PRKN: variants seen among roughly 807,000 people sequenced by gnomAD.
PRKN encodes E3 ubiquitin-protein ligase parkin.
Under a neutral mutation model 59.5 loss-of-function variants are expected in PRKN, and 56 were observed. The observed-to-expected ratio is 0.94, with a 90% confidence interval of 0.76 to 1.18. PRKN has a LOEUF of 1.18. PRKN is among the 50% of genes most tolerant of loss of function. The pLI, the probability that PRKN is intolerant of heterozygous loss-of-function variation, is 0.00. For missense variants in PRKN, 657 were observed against 596.4 expected (o/e 1.10, Z -1.06); for synonymous variants, 250 against 222.1 (o/e 1.13, Z -1.12).
intron 7 of PRKN, among the ~76,000 whole-genome samples, chr6:161,750,118 T>TATATATATATATATATATATATATACAC (rs1269147499): frequency 4.7e-4 from 65 of 137,732 alleles, no homozygotes; most frequent in African/African-American, 1.7e-3. Context: ...TATATATATA[T>TATATATATATATATATATATATATACAC]ACACACACAC....
intron 5 of PRKN, among the ~76,000 whole-genome samples, chr6:162,048,238 C>T (rs527791807): frequency 6.6e-6 from 1 of 152,176 alleles, no homozygotes; most frequent in African/African-American, 2.4e-5. Context: ...ATCAACACCC[C>T]TCAATAAGAA....
intron 1 of PRKN, among the ~76,000 whole-genome samples, chr6:162,502,716 G>A (rs979834590): frequency 9.9e-5 from 15 of 151,904 alleles, no homozygotes; most frequent in African/African-American, 3.4e-4. Context: ...CAGGAAAAGC[G>A]TGATCCCAGC....
chr6:162,172,103 TAAG>T (rs898749806), intron 4 of PRKN, among the ~76,000 whole-genome samples: 11 of 152,196 alleles, frequency 7.2e-5, no homozygotes, highest in African/African-American at 2.7e-4. Flanking sequence ...GAAAACCACC[TAAG>T]GACACAGAGT....
Position 162,191,724 on chromosome 6 carries a change from T to A in PRKN, c.534+9407A>T, listed in dbSNP as rs185937076. Among the ~76,000 whole-genome samples, 408 of 152,302 alleles carry A rather than the reference T, an allele frequency of 2.7e-3. 1 individual carries two copies. The highest frequency in any genetic ancestry group is 4.4e-3 in the Non-Finnish European group (302 of 68,004). Reference sequence around the variant, plus strand: ...TCCCAAAGTGCTGGGATTACAGGTGTGAGCCACCGTGCCCGGCCAGAATTA... The same window carrying A: ...TCCCAAAGTGCTGGGATTACAGGTGAGAGCCACCGTGCCCGGCCAGAATTA... On this transcript the variant is annotated intron_variant, in intron 4 of 11. Transcript: ENST00000366898.
intron 4 of PRKN, among the ~76,000 whole-genome samples, chr6:162,070,887 C>T (rs1778547647): frequency 6.6e-6 from 1 of 152,052 alleles, no homozygotes; most frequent in South Asian, 2.1e-4. Flanking sequence ...CCCCTGCTGG[C>T]CCAGGGCTTG....
At chr6:162,473,337 C>G (rs1428434392) in intron 1 of PRKN, among the ~76,000 whole-genome samples, 1 of 152,172 alleles carries the variant, frequency 6.6e-6, no homozygotes, top group Non-Finnish European at 1.5e-5. Context: ...GGAAAAACTA[C>G]TGGCTTCAGA....
chr6:162,320,732 C>A (rs1404557714), intron 2 of PRKN, among the ~76,000 whole-genome samples: 18 of 151,248 alleles, frequency 1.2e-4, no homozygotes, highest in Admixed American at 1.2e-3. Flanking sequence ...TTAGGTATTA[C>A]CCAAAAGAAA....
intron 2 of PRKN, among the ~76,000 whole-genome samples, chr6:162,427,918 T>C (rs1167293081): frequency 1.3e-5 from 2 of 152,174 alleles, no homozygotes; most frequent in African/African-American, 2.4e-5. Flanking sequence ...TAGTTACCTC[T>C]GTAGAGAAGG....
At chr6:161,687,282 G>A (rs551211095) in intron 7 of PRKN, among the ~76,000 whole-genome samples, 156 of 148,952 alleles carry the variant, frequency 1.0e-3, no homozygotes, top group African/African-American at 3.6e-3. Context: ...CCAGCTACTC[G>A]GGAGGCTGAG....
At chr6:161,873,960 TG>T (rs1794459465) in intron 6 of PRKN, among the ~76,000 whole-genome samples, 1 of 99,602 alleles carries the variant, frequency 1.0e-5, no homozygotes. Context: ...ATATATTATA[TG>T]TAAAATATAA....
chr6:161,696,650 T>G (rs961154926), intron 7 of PRKN, among the ~76,000 whole-genome samples: 36 of 152,186 alleles, frequency 2.4e-4, no homozygotes, highest in African/African-American at 8.4e-4. Context: ...TAGATGTAGA[T>G]CTAGACATAT....
At chr6:161,810,507 C>T (rs1236051063) in intron 6 of PRKN, among the ~76,000 whole-genome samples, 12 of 152,144 alleles carry the variant, frequency 7.9e-5, no homozygotes, top group Non-Finnish European at 1.8e-4. Context: ...AGGTCCTAGA[C>T]AACGTCTAAC....
chr6:161,942,047 A>T (rs1779586398), intron 6 of PRKN, among the ~76,000 whole-genome samples: 1 of 152,222 alleles, frequency 6.6e-6, no homozygotes, highest in Admixed American at 6.5e-5. Context: ...AGAAGAAAAC[A>T]AAGATTTACA....
At chr6:162,138,148 G>A (rs7773019) in intron 4 of PRKN, among the ~76,000 whole-genome samples, 21,958 of 152,052 alleles carry the variant, frequency 0.14, 1,866 homozygotes, top group African/African-American at 0.23. Context: ...GGAAATTTGC[G>A]GATAGACTAC....
At chr6:161,956,328 G>A (rs1780168397) in intron 6 of PRKN, among the ~76,000 whole-genome samples, 1 of 152,106 alleles carries the variant, frequency 6.6e-6, no homozygotes, top group Non-Finnish European at 1.5e-5. Flanking sequence ...AGCCATTCAA[G>A]GGCAAATCAA....
rs1026222286 is a variant in PRKN, at chr6:162,578,748, G to A, written c.8-135275C>T. The stretch of plus-strand genomic sequence containing the variant: ...TCACACATAGTATATTTTAAGGGCT[G>A]TTCATTTGACTGCATTTGGTTCATT... On this transcript the variant is annotated intron_variant, in intron 1 of 11. Transcript: ENST00000366898. Among the ~76,000 whole-genome samples, 19 of 152,256 alleles carry A rather than the reference G, an allele frequency of 1.2e-4. No individual in the cohort carries two copies. The East Asian group carries it at 3.3e-3, about 26-fold the overall frequency.
At chr6:162,507,131 T>C (rs755953026) in intron 1 of PRKN, among the ~76,000 whole-genome samples, 6 of 152,128 alleles carry the variant, frequency 3.9e-5, no homozygotes, top group Non-Finnish European at 8.8e-5. Flanking sequence ...ACCTCCAAAA[T>C]ATACTGAATT....
intron 4 of PRKN, among the ~76,000 whole-genome samples, chr6:162,064,909 G>A (rs899564812): frequency 6.6e-6 from 1 of 152,128 alleles, no homozygotes; most frequent in African/African-American, 2.4e-5. Flanking sequence ...TGCCCTTAAG[G>A]GCCCTCCCCA....
intron 3 of PRKN, among the ~76,000 whole-genome samples, chr6:162,239,536 C>T (rs1194954916): frequency 6.6e-6 from 1 of 152,130 alleles, no homozygotes; most frequent in African/African-American, 2.4e-5. Flanking sequence ...ATACAACCCA[C>T]TTCCACTCCC....
Sources: gnomAD v4.1 joint callset for allele counts (sites outside exome capture counted in the v4.1 genomes callset) on GRCh38, gnomAD v4.1.1 for gene constraint, MANE v1.5 for transcripts, NCBI Gene and HGNC (gene_info 2026-07-23, HGNC 2026-07-21) for gene names.